KLF15: variants seen among roughly 807,000 people sequenced by gnomAD.
KLF15 encodes the protein Krueppel-like factor 15.
Under a neutral mutation model 24.6 loss-of-function variants are expected in KLF15, and 4 were observed. The observed-to-expected ratio is 0.16, with a 90% CI of 0.08 to 0.37. The LOEUF (loss-of-function observed/expected upper bound fraction) is 0.37. Among genes scored for constraint, KLF15 ranks in the 10% least tolerant of loss-of-function variants. KLF15 has a pLI of 1.00. For synonymous variants in KLF15, 246 were observed against 236.3 expected (o/e 1.04, Z -0.37); for missense variants, 496 against 560.6 (o/e 0.88, Z 1.16).
chr3:126,295,334 TC>T, the KLF15 span, among the ~76,000 whole-genome samples: 1 of 152,180 alleles, frequency 6.6e-6, no homozygotes, highest in Non-Finnish European at 1.5e-5. Flanking sequence ...ATGAAGAACC[TC>T]CAGCTTCCTT....
intron 2 of KLF15, among the ~76,000 whole-genome samples, chr3:126,349,965 AAAC>A (rs1282978421): frequency 6.6e-6 from 1 of 152,190 alleles, no homozygotes; most frequent in Non-Finnish European, 1.5e-5. Context: ...TATGATGTAC[AAAC>A]AACAAGGAGG....
chr3:126,315,653 G>A, the KLF15 span, among the ~76,000 whole-genome samples: 31 of 152,152 alleles, frequency 2.0e-4, no homozygotes, highest in African/African-American at 5.8e-4. Context: ...TGCTGTCTCC[G>A]GCTGCATCTT....
chr3:126,348,817 C>T (rs755778133), intron 2 of KLF15, among the ~76,000 whole-genome samples: 3 of 152,216 alleles, frequency 2.0e-5, no homozygotes, highest in South Asian at 2.1e-4. Flanking sequence ...TGGGCCAGAA[C>T]GAGAAGCTTG....
the KLF15 span, among the ~76,000 whole-genome samples, chr3:126,316,536 T>TGGGCCGGAGAAGGGGAGGGAGTACAC: frequency 1.8e-5 from 2 of 112,182 alleles, no homozygotes; most frequent in Non-Finnish European, 3.5e-5. Flanking sequence ...AGGGAGTACA[T>TGGGCCGGAGAAGGGGAGGGAGTACAC]GGGCCGGAGT....
At chr3:126,320,839 A>G in the KLF15 span, among the ~76,000 whole-genome samples, 2 of 151,808 alleles carry the variant, frequency 1.3e-5, no homozygotes, top group African/African-American at 4.8e-5. Flanking sequence ...TGATCAAACT[A>G]CACTTCAGGC....
chr3:126,355,113 G>A (rs565087045), intron 1 of KLF15, among the ~76,000 whole-genome samples: 1 of 152,044 alleles, frequency 6.6e-6, no homozygotes, highest in Non-Finnish European at 1.5e-5. Context: ...CCCAGAGCAG[G>A]CCTTAGAGCC....
the KLF15 span, among the ~76,000 whole-genome samples, chr3:126,323,421 A>ATGT: frequency 2.8e-5 from 1 of 35,470 alleles, no homozygotes; most frequent in Non-Finnish European, 5.0e-5. Context: ...ATATATATAT[A>ATGT]TATATATATA....
chr3:126,330,067 G>A, the KLF15 span, among the ~76,000 whole-genome samples: 1 of 152,208 alleles, frequency 6.6e-6, no homozygotes, highest in Admixed American at 6.5e-5. Context: ...GCAAGCCGAG[G>A]TCTGAAATGA....
the KLF15 span, among the ~76,000 whole-genome samples, chr3:126,297,333 T>C: frequency 6.6e-6 from 1 of 152,252 alleles, no homozygotes; most frequent in Non-Finnish European, 1.5e-5. Context: ...ATGATAAGCC[T>C]GTTGACCTAA....
chr3:126,349,129 C>G (rs546885364), intron 2 of KLF15, among the ~76,000 whole-genome samples: 211 of 152,276 alleles, frequency 1.4e-3, no homozygotes, highest in Non-Finnish European at 2.2e-3. Context: ...TTAAGAGACA[C>G]AAGCAGACTG....
chr3:126,356,958 G>A lies in KLF15; in HGVS notation c.-26+279C>T, dbSNP rs1156439981. Among the ~76,000 whole-genome samples the A allele has an allele frequency of 6.6e-6, 1 of 151,734 alleles. No homozygotes were observed. The highest frequency in any genetic ancestry group is 2.4e-5 in the African/African-American group (1 of 41,290). On this transcript the variant is annotated intron_variant, in intron 1 of 2. Coordinates refer to ENST00000296233, the MANE Select transcript of KLF15 (RefSeq NM_014079.4). The surrounding 1 kb of genome is among the most constrained non-coding windows in gnomAD (Gnocchi z 4.4). ...ATATGGGAGGGCCGGCCCGCAAGGC[G>A]CGCCACGGAATCGCCCGGCCAGGCA... is the stretch of plus-strand genomic sequence containing the variant.
the KLF15 span, among the ~76,000 whole-genome samples, chr3:126,315,129 A>G: frequency 6.6e-6 from 1 of 151,970 alleles, no homozygotes; most frequent in Admixed American, 6.6e-5. Context: ...CACCTTCATG[A>G]CCACTTGGGG....
the KLF15 span, chr3:126,288,418 C>T: frequency 6.6e-6 from 1 of 152,234 alleles, no homozygotes; most frequent in Non-Finnish European, 1.5e-5. Flanking sequence ...TTCAAAAAAA[C>T]CAGATCAAGT....
intron 2 of KLF15, among the ~76,000 whole-genome samples, chr3:126,345,553 T>TCACACACACACA (rs35986386): frequency 6.7e-6 from 1 of 149,678 alleles, no homozygotes; most frequent in African/African-American, 2.5e-5. Flanking sequence ...CCACACATAC[T>TCACACACACACA]CACACACACA....
the KLF15 span, among the ~76,000 whole-genome samples, chr3:126,297,085 T>C: frequency 5.1e-3 from 780 of 152,358 alleles, 6 homozygotes; most frequent in African/African-American, 0.018. Flanking sequence ...ACTTTCTGTG[T>C]GGTGATTAAT....
chr3:126,310,230 T>G, the KLF15 span, among the ~76,000 whole-genome samples: 1 of 152,214 alleles, frequency 6.6e-6, no homozygotes. Context: ...AACACCTGAA[T>G]TTTGGAGGCT....
chr3:126,315,888 T>C, the KLF15 span, among the ~76,000 whole-genome samples: 1 of 152,160 alleles, frequency 6.6e-6, no homozygotes, highest in East Asian at 1.9e-4. Flanking sequence ...AAAATATTCT[T>C]ATGTGGAAAA....
At chr3:126,309,320 C>A in the KLF15 span, among the ~76,000 whole-genome samples, 1 of 152,220 alleles carries the variant, frequency 6.6e-6, no homozygotes, top group Non-Finnish European at 1.5e-5. Context: ...CAGGTCAGCG[C>A]TGCTCATACC....
chr3:126,308,406 G>T, the KLF15 span, among the ~76,000 whole-genome samples: 163 of 151,726 alleles, frequency 1.1e-3, 1 homozygote, highest in East Asian at 0.021. Flanking sequence ...CTTCAGCCAA[G>T]GAAATCCCCC....
Sources: allele counts gnomAD v4.1 joint callset (sites outside exome capture counted in the v4.1 genomes callset), GRCh38; gene constraint gnomAD v4.1.1; non-coding constraint Gnocchi (gnomAD v3.1); transcripts MANE v1.5; gene names NCBI Gene and HGNC (gene_info 2026-07-23, HGNC 2026-07-21).